MEGF9: variants seen among roughly 807,000 people sequenced by gnomAD.
MEGF9 encodes the protein multiple epidermal growth factor-like domains protein 9.
Under a neutral mutation model 46.8 loss-of-function variants are expected in MEGF9, and 6 were observed. The observed-to-expected ratio is 0.13, with a 90% CI of 0.07 to 0.25. The LOEUF (loss-of-function observed/expected upper bound fraction) is 0.25, where lower values mean the gene tolerates loss of function less well. Among genes scored for constraint, MEGF9 ranks in the 10% least tolerant of loss-of-function variants. The pLI, the probability that MEGF9 is intolerant of heterozygous loss-of-function variation, is 1.00. For missense variants in MEGF9, 683 were observed against 792.4 expected (o/e 0.86, Z 1.66); for synonymous variants, 302 against 330.7 (o/e 0.91, Z 0.94).
chr9:120,630,769 A>T lies in MEGF9; in HGVS notation c.804-8014T>A, dbSNP rs146389810. Among the ~76,000 whole-genome samples, 28 of 152,256 alleles carry T rather than the reference A, an allele frequency of 1.8e-4. 1 individual carries two copies. The East Asian group carries it at 5.2e-3, about 28-fold the overall frequency. On this transcript the variant is annotated intron_variant, in intron 2 of 5. Transcript: ENST00000373930. ...ACTTCTCTGATGATTAGTGATGTTG[A>T]GTACTTTTCATTTGTATGTTTTTGT...
In MEGF9 at chr9:120,603,521, A is replaced by G. The variant is rs1432575286; in HGVS notation, c.*1669T>C. On this transcript the variant is annotated 3_prime_UTR_variant, in exon 6 of 6. Transcript: ENST00000373930. The stretch of plus-strand genomic sequence containing the variant: ...ATGACCAAGTTCTAGGTTTTTCTCT[A>G]GGGAAGTTAGGCAAAGGGGTCAGCT... 4 of 152,200 alleles carry G rather than the reference A, an allele frequency of 2.6e-5. No homozygotes were observed. The highest frequency in any genetic ancestry group is 2.6e-4 in the Admixed American group (4 of 15,272). The allele number at this position is 152,200 out of a possible 1,614,324, so 9.4% of individuals were successfully genotyped here. A position where few individuals can be genotyped will look rare whatever the true frequency, so the allele number is the denominator to read the frequency against.
chr9:120,623,462 C>T (rs1178645210), intron 2 of MEGF9, among the ~76,000 whole-genome samples: 3 of 152,152 alleles, frequency 2.0e-5, no homozygotes, highest in South Asian at 2.1e-4. Flanking sequence ...AAGCTGCAGC[C>T]TAACAAAGTC....
At chr9:120,683,983 T>A (rs1469454534) in intron 1 of MEGF9, among the ~76,000 whole-genome samples, 1 of 152,016 alleles carries the variant, frequency 6.6e-6, no homozygotes, top group Non-Finnish European at 1.5e-5. Flanking sequence ...AATAAAAATG[T>A]ACAAGGAACC....
intron 2 of MEGF9, among the ~76,000 whole-genome samples, chr9:120,640,586 T>C (rs2043597728): frequency 6.6e-6 from 1 of 152,214 alleles, no homozygotes; most frequent in South Asian, 2.1e-4. Context: ...TTGCATAATC[T>C]GGCTCCAAAG....
intron 1 of MEGF9, among the ~76,000 whole-genome samples, chr9:120,673,921 G>A (rs1028405437): frequency 1.2e-4 from 17 of 140,948 alleles, no homozygotes; most frequent in Admixed American, 4.7e-4. Flanking sequence ...AGTGAGCCGA[G>A]ATCGTGCCAC....
intron 1 of MEGF9, among the ~76,000 whole-genome samples, chr9:120,678,610 T>C (rs958708600): frequency 6.6e-6 from 1 of 152,112 alleles, no homozygotes; most frequent in African/African-American, 2.4e-5. Context: ...ACAGCTGGGA[T>C]AACAGGTGTG....
intron 2 of MEGF9, among the ~76,000 whole-genome samples, chr9:120,626,605 T>C (rs745716474): frequency 6.6e-6 from 1 of 152,226 alleles, no homozygotes; most frequent in Non-Finnish European, 1.5e-5. Flanking sequence ...TTAAAGACTC[T>C]GTTTAAGATG....
intron 2 of MEGF9, among the ~76,000 whole-genome samples, chr9:120,651,354 G>A (rs1485800962): frequency 6.6e-6 from 1 of 152,300 alleles, no homozygotes; most frequent in East Asian, 1.9e-4. Context: ...CTGAGATTTT[G>A]AGAAAGGCTG....
chr9:120,695,334 G>A (rs375063568), intron 1 of MEGF9, among the ~76,000 whole-genome samples: 67 of 152,046 alleles, frequency 4.4e-4, no homozygotes, highest in African/African-American at 1.4e-3. Context: ...GGTCAGGCGC[G>A]GTAGCTCACG....
chr9:120,613,121 G>A (rs2043456446), intron 3 of MEGF9, among the ~76,000 whole-genome samples: 1 of 152,090 alleles, frequency 6.6e-6, no homozygotes, highest in Non-Finnish European at 1.5e-5. Flanking sequence ...ACAGGCATGA[G>A]CCATTAGATT....
intron 2 of MEGF9, among the ~76,000 whole-genome samples, chr9:120,643,066 G>C (rs1368886314): frequency 2.0e-5 from 3 of 152,114 alleles, no homozygotes; most frequent in Non-Finnish European, 4.4e-5. Context: ...TGAAGCATTT[G>C]TGTCCCTTTT....
rs371368639 is a variant in MEGF9, at chr9:120,695,401, CA to C, written c.601+18356del. Among the ~76,000 whole-genome samples, 124 of 151,940 alleles carry C rather than the reference CA, an allele frequency of 8.2e-4. 1 individual carries two copies. The highest frequency in any genetic ancestry group is 2.8e-3 in the African/African-American group (117 of 41,434). ...CAGGCAAATCACAAGGTCAGGAGTT[CA>C]AGAGCAGCCTGGCCAAAATGGTGAA... On this transcript the variant is annotated intron_variant, in intron 1 of 5. Coordinates refer to ENST00000373930, the MANE Select transcript of MEGF9 (RefSeq NM_001080497.3).
intron 1 of MEGF9, among the ~76,000 whole-genome samples, chr9:120,711,847 A>ACACACACT (rs2043954724): frequency 7.1e-6 from 1 of 141,772 alleles, no homozygotes; most frequent in Admixed American, 6.9e-5. Flanking sequence ...ACATACATAC[A>ACACACACT]CACACACACA....
At chr9:120,643,821 A>G (rs1008632354) in intron 2 of MEGF9, among the ~76,000 whole-genome samples, 1 of 151,918 alleles carries the variant, frequency 6.6e-6, no homozygotes, top group Non-Finnish European at 1.5e-5. Flanking sequence ...CAGCCTCCCA[A>G]GTAGCTGGGA....
chr9:120,692,749 T>C (rs902313766), intron 1 of MEGF9, among the ~76,000 whole-genome samples: 1 of 152,182 alleles, frequency 6.6e-6, no homozygotes, highest in Non-Finnish European at 1.5e-5. Context: ...CTCTTACTTC[T>C]GTACTTTTTC....
At chr9:120,664,588 T>C (rs1175260083) in intron 1 of MEGF9, among the ~76,000 whole-genome samples, 1 of 152,228 alleles carries the variant, frequency 6.6e-6, no homozygotes, top group African/African-American at 2.4e-5. Flanking sequence ...ACAAAATTAT[T>C]GCATTTAAGC....
intron 2 of MEGF9, among the ~76,000 whole-genome samples, chr9:120,654,401 T>A (rs1469498037): frequency 2.6e-5 from 4 of 152,094 alleles, no homozygotes; most frequent in Non-Finnish European, 5.9e-5. Context: ...ATGGAATATA[T>A]CATGATGGTC....
At chr9:120,629,573 G>A (rs762314354) in intron 2 of MEGF9, among the ~76,000 whole-genome samples, 77 of 152,048 alleles carry the variant, frequency 5.1e-4, no homozygotes, top group Non-Finnish European at 1.2e-4. Flanking sequence ...GGGAGGCGGA[G>A]GTTGTTGCAG....
Position 120,612,417 on chromosome 9 carries a change from A to T in MEGF9, c.1066T>A (p.Ser356Thr). The T allele has an allele frequency of 6.2e-7, 1 of 1,612,612 alleles. No homozygotes were observed. The highest frequency in any genetic ancestry group is 8.5e-7 in the Non-Finnish European group (1 of 1,179,356). The part of the protein sequence containing the change: ...CLRCPCSAVT[S>T]TGSCSIKSSE... ...TTACTTATAGAGCAGCTGCCTGTAG[A>T]TGTCACTGCTGAACAAGGGCAGCGA... Residue 356 changes from serine to threonine, a missense_variant, in exon 4 of 6, where the codon TCT (serine) becomes ACT (threonine). Physicochemically the swap from Ser to Thr is moderately conservative, Grantham distance 58. This residue lies in a region of MEGF9 where 313 missense variants were observed against 421.1 expected (regional missense o/e 0.74). Transcript: ENST00000373930.
Sources: gnomAD v4.1 joint callset for allele counts (sites outside exome capture counted in the v4.1 genomes callset) on GRCh38, gnomAD v4.1.1 for gene constraint, gnomAD v4.1.1 regional missense constraint, MANE v1.5 for transcripts, NCBI Gene and HGNC (gene_info 2026-07-23, HGNC 2026-07-21) for gene names.